The following KCNQ1 variants were observed in gnomAD, a reference collection of about 807,000 sequenced individuals.
KCNQ1 encodes potassium voltage-gated channel subfamily KQT member 1.
A neutral mutation model predicts 72.4 loss-of-function variants in KCNQ1; 49 were observed. That is an observed-to-expected ratio of 0.68 (90% CI 0.54 to 0.86). KCNQ1 has a LOEUF of 0.86. Ranked by LOEUF, KCNQ1 falls within the 40% of genes least tolerant of loss-of-function variation. The probability of loss-of-function intolerance (pLI) is 0.00; values close to 1 mark genes in which losing one functional copy is unlikely to be tolerated. For synonymous variants in KCNQ1, 450 were observed against 412.6 expected (o/e 1.09, Z -1.10); for missense variants, 790 against 945.1 (o/e 0.84, Z 2.15).
At chr11:2,594,067 A>G (rs960397269) in intron 10 of KCNQ1, among the ~76,000 whole-genome samples, 4 of 152,162 alleles carry the variant, frequency 2.6e-5, no homozygotes, top group African/African-American at 9.7e-5. Context: ...ACAGACTTGC[A>G]GTTTTCTGTC....
At chr11:2,534,230 C>T (rs902959738) in intron 2 of KCNQ1, among the ~76,000 whole-genome samples, 3 of 152,212 alleles carry the variant, frequency 2.0e-5, no homozygotes, top group South Asian at 2.1e-4. Flanking sequence ...CTGTCCTCAG[C>T]GCCCTGGCCT....
chr11:2,840,160 A>G (rs1019798868), intron 15 of KCNQ1: 8 of 146,066 alleles, frequency 5.5e-5, no homozygotes, highest in African/African-American at 2.2e-4. Context: ...TGCTTCATGT[A>G]TTACAATAAA....
rs965778446 is a variant in KCNQ1 at position 2,657,149 on chromosome 11, G to C, written c.1394-4812G>C. 1.0e-5 allele frequency: 4 copies of C among 398,498 alleles called. No homozygotes were observed. Among genetic ancestry groups the C allele is most frequent in the African/African-American group, 8.2e-5 (4 of 48,626 alleles). The allele number at this position is 398,498 out of a possible 1,614,324, so 24.7% of individuals were successfully genotyped here. A position where few individuals can be genotyped will look rare whatever the true frequency, so the allele number is the denominator to read the frequency against. On this transcript the variant is annotated intron_variant, in intron 10 of 15. Transcript: ENST00000155840. This position sits in a 1 kb window ranked among gnomAD's most constrained non-coding sequence, Gnocchi z 4.8. ...GCCTTGGAAGAAGTACTGATGTTTGGTACAGCAAGTTCTCCCACCTTGTTC... is the reference window on the plus strand; with the variant it reads ...GCCTTGGAAGAAGTACTGATGTTTGCTACAGCAAGTTCTCCCACCTTGTTC...
rs1564818800 is a variant in KCNQ1 at position 2,566,866 on chromosome 11, G to C, written c.478-3762G>C. 6.6e-6 allele frequency among the ~76,000 whole-genome samples: 1 copy of C among 151,996 alleles called. No homozygotes were observed. The highest frequency in any genetic ancestry group is 1.5e-5 in the Non-Finnish European group (1 of 67,978). The stretch of plus-strand genomic sequence containing the variant: ...CCCTGGGGCTGGCCTTGTTATCAGT[G>C]GGGGAGTCAGGAAGTACCCCGGTTC... On this transcript the variant is annotated intron_variant, in intron 2 of 15. Transcript: ENST00000155840. This position sits in a 1 kb window ranked among gnomAD's most constrained non-coding sequence, Gnocchi z 6.7.
intron 2 of KCNQ1, among the ~76,000 whole-genome samples, chr11:2,556,060 T>C (rs1172377769): frequency 1.3e-5 from 2 of 152,100 alleles, no homozygotes; most frequent in Admixed American, 6.5e-5. Flanking sequence ...GCGAGGTGGG[T>C]TCGTTCTGAG....
intron 15 of KCNQ1, among the ~76,000 whole-genome samples, chr11:2,801,701 A>G (rs566720430): frequency 6.6e-6 from 1 of 152,338 alleles, no homozygotes; most frequent in East Asian, 1.9e-4. Context: ...TTCAGTTCAT[A>G]ACACAAGTCC....
At chr11:2,699,441 C>T (rs1850735620) in intron 11 of KCNQ1, 6 of 399,004 alleles carry the variant, frequency 1.5e-5, no homozygotes, top group Non-Finnish European at 1.7e-5. Flanking sequence ...TCTGGGAGAA[C>T]CGCACTGAGG....
In KCNQ1 at chr11:2,445,418, A is replaced by G; in HGVS notation, c.320A>G (p.Gln107Arg). ...CCGGTGTTGGCGCGCACCCACGTCC[A>G]GGGCCGCGTCTACAACTTCCTCGAG... ...RRPVLARTHVQGRVYNFLERP... is the reference protein window; with the variant it reads ...RRPVLARTHVRGRVYNFLERP... The change falls in exon 1 of 16, where the codon CAG (glutamine) becomes CGG (arginine). Residue 107 changes from glutamine (Q) to arginine (R), a missense_variant. Coordinates refer to ENST00000155840, the MANE Select transcript of KCNQ1 (RefSeq NM_000218.3). The G allele has an allele frequency of 6.3e-7, 1 of 1,597,884 alleles. No individual in the cohort carries two copies. The highest frequency in any genetic ancestry group is 8.5e-7 in the Non-Finnish European group (1 of 1,179,728).
rs1421941862 is a variant in KCNQ1 at position 2,659,680 on chromosome 11, C to T, written c.1394-2281C>T. 1.8e-5 allele frequency: 7 copies of T among 398,334 alleles called. No individual in the cohort carries two copies. Among genetic ancestry groups the T allele is most frequent in the South Asian group, 1.3e-4 (1 of 7,856 alleles). The allele number at this position is 398,334 out of a possible 1,614,324, so 24.7% of individuals were successfully genotyped here. The stretch of plus-strand genomic sequence containing the variant: ...TTAATAAGAAATTGCTAAACTATTT[C>T]CTAAAGTCACTGTGCCATTTTGCAT... On this transcript the variant is annotated intron_variant, in intron 10 of 15. Transcript: ENST00000155840. The surrounding 1 kb of genome is among the most constrained non-coding windows in gnomAD (Gnocchi z 4.3).
At chr11:2,716,774 A>G (rs1468785873) in intron 11 of KCNQ1, among the ~76,000 whole-genome samples, 3 of 152,226 alleles carry the variant, frequency 2.0e-5, no homozygotes, top group African/African-American at 4.8e-5. Flanking sequence ...CGCATTGAAC[A>G]GGCCAGGAGC....
chr11:2,676,413 A>T lies in KCNQ1; in HGVS notation c.1514+14332A>T. 2.5e-6 allele frequency: 1 copy of T among 398,632 alleles called. No individual in the cohort carries two copies. The highest frequency in any genetic ancestry group is 4.4e-6 in the Non-Finnish European group (1 of 226,070). 24.7% of individuals were successfully genotyped at this position (398,632 alleles called of 1,614,324 possible). A position where few individuals can be genotyped will look rare whatever the true frequency, so the allele number is the denominator to read the frequency against. ...TGTGTTCAGCTAGAGATTTAGCCCA[A>T]TGGGCTGGGCTTTTCCCAGATAGGA... On this transcript the variant is annotated intron_variant, in intron 11 of 15. Coordinates refer to ENST00000155840, the MANE Select transcript of KCNQ1 (RefSeq NM_000218.3). The surrounding 1 kb of genome is among the most constrained non-coding windows in gnomAD (Gnocchi z 4.2).
intron 15 of KCNQ1, among the ~76,000 whole-genome samples, chr11:2,835,341 A>G (rs1164150244): frequency 6.6e-6 from 1 of 151,850 alleles, no homozygotes; most frequent in Non-Finnish European, 1.5e-5. Flanking sequence ...CATATTCCTC[A>G]CACCCAGCAC....
chr11:2,445,083 G>C lies in KCNQ1; in HGVS notation c.-16G>C. On this transcript the variant is annotated 5_prime_UTR_variant, in exon 1 of 16. Transcript: ENST00000155840. ...TGCCGCCGCTCGGGCCGGCCCCCCG[G>C]CAGGCCCTCCTCGTTATGGCCGCGG... 1.9e-6 allele frequency: 2 copies of C among 1,069,896 alleles called. No homozygotes were observed. Among genetic ancestry groups the C allele is most frequent in the East Asian group, 6.0e-5 (1 of 16,770 alleles). The allele number at this position is 1,069,896 out of a possible 1,614,324, so 66.3% of individuals were successfully genotyped here.
chr11:2,578,032 G>A (rs1174076808), intron 6 of KCNQ1, among the ~76,000 whole-genome samples: 2 of 152,212 alleles, frequency 1.3e-5, no homozygotes, highest in Non-Finnish European at 2.9e-5. Context: ...CCTGCATGGG[G>A]GGAGCCCACC....
At chr11:2,755,682 C>A (rs1846288320) in intron 11 of KCNQ1, among the ~76,000 whole-genome samples, 1 of 152,214 alleles carries the variant, frequency 6.6e-6, no homozygotes, top group Non-Finnish European at 1.5e-5. Flanking sequence ...TATAACGTAA[C>A]ATATTCATAG....
chr11:2,731,658 C>T (rs1249264208), intron 11 of KCNQ1, among the ~76,000 whole-genome samples: 2 of 152,228 alleles, frequency 1.3e-5, no homozygotes, highest in Admixed American at 6.5e-5. Context: ...TTCCTAGAAT[C>T]ACCCCCAGCA....
chr11:2,519,103 T>C lies in KCNQ1; in HGVS notation c.387-8825T>C, dbSNP rs1313454000. 2.0e-5 allele frequency among the ~76,000 whole-genome samples: 3 copies of C among 152,196 alleles called. No homozygotes were observed. In the East Asian group the frequency reaches 5.8e-4, roughly 29 times the overall value. On this transcript the variant is annotated intron_variant, in intron 1 of 15. Transcript: ENST00000155840. ...TGTGTGGGGGCCTGAGGGGCAATGG[T>C]TGGGGGGCAGCTGTTGCCGTTCTGG... is the stretch of plus-strand genomic sequence containing the variant.
In KCNQ1 at chr11:2,563,422, T is replaced by G. The variant is rs891484544; in HGVS notation, c.478-7206T>G. On this transcript the variant is annotated intron_variant, in intron 2 of 15. Coordinates refer to ENST00000155840, the MANE Select transcript of KCNQ1 (RefSeq NM_000218.3). This position sits in a 1 kb window ranked among gnomAD's most constrained non-coding sequence, Gnocchi z 7.4. ...TCCGGCTTCGGGCAGGTCTCCTCTT[T>G]ATGCCACTGTAACCCCACAACACCG... 6.6e-6 allele frequency among the ~76,000 whole-genome samples: 1 copy of G among 152,222 alleles called. No individual in the cohort carries two copies. The highest frequency in any genetic ancestry group is 1.9e-4 in the East Asian group (1 of 5,196).
In KCNQ1 at chr11:2,685,513, G is replaced by A. The variant is rs113559731; in HGVS notation, c.1514+23432G>A. 739 of 398,804 alleles carry A rather than the reference G, an allele frequency of 1.9e-3. No individual in the cohort carries two copies. The highest frequency in any genetic ancestry group is 2.8e-3 in the Non-Finnish European group (642 of 226,184). 24.7% of individuals were successfully genotyped at this position (398,804 alleles called of 1,614,324 possible). A position where few individuals can be genotyped will look rare whatever the true frequency, so the allele number is the denominator to read the frequency against. On this transcript the variant is annotated intron_variant, in intron 11 of 15. Coordinates refer to ENST00000155840, the MANE Select transcript of KCNQ1 (RefSeq NM_000218.3). ...GCAAGTTGCTCACATCCAGACAGGA[G>A]ACGCTAGTCCTACAGGTGCAGTGGG...
Sources: gnomAD v4.1 joint callset for allele counts (sites outside exome capture counted in the v4.1 genomes callset) on GRCh38, gnomAD v4.1.1 for gene constraint, Gnocchi (gnomAD v3.1) non-coding constraint, MANE v1.5 for transcripts, NCBI Gene and HGNC (gene_info 2026-07-23, HGNC 2026-07-21) for gene names.